Variants in RAPGEF5 observed in about 807,000 individuals in gnomAD.
The protein encoded by RAPGEF5 is Rap guanine nucleotide exchange factor 5, also known as M-Ras-regulated GEF.
RAPGEF5 carries 65 observed loss-of-function variants against 125.2 expected under a neutral mutation model. The observed-to-expected ratio is 0.52, with a 90% CI of 0.43 to 0.64. The LOEUF (loss-of-function observed/expected upper bound fraction) is 0.64, where lower values mean the gene tolerates loss of function less well. RAPGEF5 is among the 30% of genes least tolerant of loss of function. RAPGEF5 has a pLI of 0.00. For synonymous variants in RAPGEF5, 391 were observed against 385.9 expected (o/e 1.01, Z -0.16); for missense variants, 958 against 1,048.1 (o/e 0.91, Z 1.19).
At chr7:22,332,025 A>G (rs932660249) in intron 1 of RAPGEF5, among the ~76,000 whole-genome samples, 2 of 152,224 alleles carry the variant, frequency 1.3e-5, no homozygotes, top group Non-Finnish European at 2.9e-5. Context: ...TTGGTTGCAC[A>G]ACATGAATGT....
At chr7:22,328,185 A>G (rs574975299) in intron 1 of RAPGEF5, among the ~76,000 whole-genome samples, 3 of 152,334 alleles carry the variant, frequency 2.0e-5, no homozygotes, top group Admixed American at 2.0e-4. Context: ...ACCAAGAGAG[A>G]ACCCTCTTAC....
chr7:22,260,760 A>T (rs1782136459), intron 7 of RAPGEF5, among the ~76,000 whole-genome samples: 1 of 152,200 alleles, frequency 6.6e-6, no homozygotes, highest in African/African-American at 2.4e-5. Flanking sequence ...AACTTGACAA[A>T]TTAAAACTTT....
intron 8 of RAPGEF5, among the ~76,000 whole-genome samples, chr7:22,227,427 C>G (rs1444843418): frequency 6.6e-6 from 1 of 152,094 alleles, no homozygotes; most frequent in African/African-American, 2.4e-5. Context: ...TAATTATTAT[C>G]ACTTAATAAT....
intron 9 of RAPGEF5, among the ~76,000 whole-genome samples, chr7:22,207,426 T>C (rs931838624): frequency 6.6e-6 from 1 of 152,166 alleles, no homozygotes; most frequent in Non-Finnish European, 1.5e-5. Context: ...CATGAAAATA[T>C]GAGGAAAGCC....
At chr7:22,297,076 T>C (rs370555847) in intron 5 of RAPGEF5, among the ~76,000 whole-genome samples, 3 of 152,194 alleles carry the variant, frequency 2.0e-5, no homozygotes, top group African/African-American at 4.8e-5. Flanking sequence ...CATAAATATA[T>C]CTTTTGAAGA....
intron 11 of RAPGEF5, chr7:22,192,766 A>G (rs1271304079): frequency 6.6e-6 from 1 of 152,572 alleles, no homozygotes; most frequent in Non-Finnish European, 1.5e-5. Flanking sequence ...TTACTCTCAG[A>G]TTAAATTTAA....
At chr7:22,183,457 T>C (rs536822266) in intron 11 of RAPGEF5, among the ~76,000 whole-genome samples, 44 of 152,126 alleles carry the variant, frequency 2.9e-4, no homozygotes, top group African/African-American at 1.0e-3. Flanking sequence ...TTTACTTAAC[T>C]ACAAAGAAAG....
intron 20 of RAPGEF5, among the ~76,000 whole-genome samples, chr7:22,142,163 C>T (rs1583404102): frequency 1.3e-5 from 2 of 152,252 alleles, no homozygotes; most frequent in East Asian, 3.9e-4. Context: ...TCTCTCTTAC[C>T]CCTGGGTCCC....
chr7:22,231,884 T>G (rs1786067024), intron 7 of RAPGEF5, among the ~76,000 whole-genome samples: 1 of 152,200 alleles, frequency 6.6e-6, no homozygotes, highest in Admixed American at 6.5e-5. Context: ...CACGAAAGAA[T>G]TTTAAATTGG....
At chr7:22,233,072 A>G (rs1223137373) in intron 7 of RAPGEF5, among the ~76,000 whole-genome samples, 6 of 152,220 alleles carry the variant, frequency 3.9e-5, no homozygotes, top group Non-Finnish European at 8.8e-5. Flanking sequence ...CTTAAGAACA[A>G]AGAAAAACAT....
intron 1 of RAPGEF5, among the ~76,000 whole-genome samples, chr7:22,321,686 G>GC (rs1183026445): frequency 8.5e-5 from 13 of 152,326 alleles, no homozygotes; most frequent in African/African-American, 3.1e-4. Context: ...GCCAACTTCA[G>GC]CCACTGTCCC....
rs747081811 is a variant in RAPGEF5, at chr7:22,167,195, A to T, written c.1205-47T>A. ...ACACAAGGTAAGCAAAGAGGTGGAT[A>T]AGAAGAGCAGCTGCTTATCTGGGCC... On this transcript the variant is annotated intron_variant, in intron 11 of 25. Transcript: ENST00000665637. 9 of 1,465,314 alleles carry T rather than the reference A, an allele frequency of 6.1e-6. No homozygotes were observed. The South Asian group carries it at 1.1e-4, about 17-fold the overall frequency. The allele number at this position is 1,465,314 out of a possible 1,614,324, so 90.8% of individuals were successfully genotyped here. A position where few individuals can be genotyped will look rare whatever the true frequency, so the allele number is the denominator to read the frequency against.
At chr7:22,323,361 A>G (rs1363704767) in intron 1 of RAPGEF5, among the ~76,000 whole-genome samples, 1 of 152,232 alleles carries the variant, frequency 6.6e-6, no homozygotes, top group Non-Finnish European at 1.5e-5. Flanking sequence ...TGCAAGGGAG[A>G]TAAATCAGCA....
chr7:22,356,217 G>C, intron 1 of RAPGEF5: 1 of 985,510 alleles, frequency 1.0e-6, no homozygotes. Flanking sequence ...CCATCAGGAA[G>C]TCAATATTGA....
intron 14 of RAPGEF5, among the ~76,000 whole-genome samples, chr7:22,159,495 T>C (rs1783915667): frequency 6.6e-6 from 1 of 152,238 alleles, no homozygotes; most frequent in Non-Finnish European, 1.5e-5. Flanking sequence ...AACAGAAGCT[T>C]TTCACAACTT....
intron 18 of RAPGEF5, among the ~76,000 whole-genome samples, chr7:22,147,665 T>C (rs989788650): frequency 6.6e-6 from 1 of 152,240 alleles, no homozygotes; most frequent in East Asian, 1.9e-4. Flanking sequence ...TTCCTTAAGA[T>C]ATGGCATAAA....
intron 3 of RAPGEF5, among the ~76,000 whole-genome samples, chr7:22,312,757 T>G (rs1212217401): frequency 6.6e-6 from 1 of 152,230 alleles, no homozygotes; most frequent in East Asian, 1.9e-4. Flanking sequence ...CAAGTTATGT[T>G]TTAAATCACA....
intron 7 of RAPGEF5, among the ~76,000 whole-genome samples, chr7:22,260,303 G>A (rs933705639): frequency 1.3e-5 from 2 of 152,082 alleles, no homozygotes; most frequent in African/African-American, 4.8e-5. Context: ...TGTCAATGGA[G>A]GTTCCGTTAT....
At chr7:22,171,278 C>T (rs990896188) in intron 11 of RAPGEF5, among the ~76,000 whole-genome samples, 1 of 152,098 alleles carries the variant, frequency 6.6e-6, no homozygotes, top group Non-Finnish European at 1.5e-5. Flanking sequence ...AATTAAAACA[C>T]TATAATTATC....
Sources: gnomAD v4.1 joint callset for allele counts (sites outside exome capture counted in the v4.1 genomes callset) on GRCh38, gnomAD v4.1.1 for gene constraint, MANE v1.5 for transcripts, NCBI Gene and HGNC (gene_info 2026-07-23, HGNC 2026-07-21) for gene names.